VWC2L: variants seen among roughly 807,000 people sequenced by gnomAD.
VWC2L encodes the protein von Willebrand factor C domain-containing protein 2-like.
A neutral mutation model predicts 21.6 loss-of-function variants in VWC2L; 10 were observed. The observed-to-expected ratio is 0.46, with a 90% CI of 0.29 to 0.78. VWC2L has a LOEUF of 0.78. VWC2L is among the 30% of genes least tolerant of loss of function. VWC2L has a pLI of 0.10. For synonymous variants in VWC2L, 96 were observed against 94.3 expected (o/e 1.02, Z -0.10); for missense variants, 209 against 277.1 (o/e 0.75, Z 1.74).
intron 3 of VWC2L, among the ~76,000 whole-genome samples, chr2:214,517,434 T>G (rs1231076289): frequency 6.6e-6 from 1 of 152,102 alleles, no homozygotes; most frequent in Non-Finnish European, 1.5e-5. Flanking sequence ...CTCAATCAGT[T>G]GGAGGGCTTT....
intron 3 of VWC2L, among the ~76,000 whole-genome samples, chr2:214,573,793 T>C (rs1690187566): frequency 6.6e-6 from 1 of 152,204 alleles, no homozygotes; most frequent in African/African-American, 2.4e-5. Flanking sequence ...ATGGAATTAA[T>C]ATTGTAGCCC....
chr2:214,524,829 T>A (rs1689302633), intron 3 of VWC2L, among the ~76,000 whole-genome samples: 1 of 152,162 alleles, frequency 6.6e-6, no homozygotes, highest in Admixed American at 6.5e-5. Flanking sequence ...CCAAATATAT[T>A]GTAGACCGTT....
chr2:214,485,317 A>G (rs920701152), intron 3 of VWC2L, among the ~76,000 whole-genome samples: 3 of 151,968 alleles, frequency 2.0e-5, no homozygotes, highest in African/African-American at 7.3e-5. Context: ...TAAAAAAAGA[A>G]AAAAAAAGTG....
intron 2 of VWC2L, among the ~76,000 whole-genome samples, chr2:214,428,731 T>G (rs1702559103): frequency 6.9e-6 from 1 of 144,950 alleles, no homozygotes; most frequent in Non-Finnish European, 1.5e-5. Context: ...TCTTTCTTCA[T>G]AACCTGTCAA....
chr2:214,477,758 A>G (rs1688545128), intron 3 of VWC2L, among the ~76,000 whole-genome samples: 1 of 152,248 alleles, frequency 6.6e-6, no homozygotes, highest in African/African-American at 2.4e-5. Flanking sequence ...AATATATTAT[A>G]CAATTGAAGT....
At chr2:214,542,746 T>C (rs1689647408) in intron 3 of VWC2L, among the ~76,000 whole-genome samples, 1 of 152,130 alleles carries the variant, frequency 6.6e-6, no homozygotes, top group Admixed American at 6.6e-5. Flanking sequence ...CCTTTCCTAC[T>C]CCAGGGATAA....
At chr2:214,525,293 CA>C (rs1436375214) in intron 3 of VWC2L, 1 of 152,082 alleles carries the variant, frequency 6.6e-6, no homozygotes, top group African/African-American at 2.4e-5. Context: ...ACAGGAAGTA[CA>C]TGTGTGCAAA....
chr2:214,429,867 A>G (rs1314435377), intron 2 of VWC2L, among the ~76,000 whole-genome samples: 1 of 152,114 alleles, frequency 6.6e-6, no homozygotes, highest in African/African-American at 2.4e-5. Context: ...TCTGTTGTCC[A>G]GGCTGGAGTG....
intron 3 of VWC2L, among the ~76,000 whole-genome samples, chr2:214,528,693 T>C (rs1486002680): frequency 5.3e-5 from 8 of 152,118 alleles, no homozygotes; most frequent in African/African-American, 1.9e-4. Context: ...AAAACCCATG[T>C]TCGTGATGTC....
intron 3 of VWC2L, among the ~76,000 whole-genome samples, chr2:214,456,226 A>T (rs1703052830): frequency 6.6e-6 from 1 of 152,060 alleles, no homozygotes; most frequent in African/African-American, 2.4e-5. Flanking sequence ...CTTTGATAAT[A>T]GCATTTCTAA....
chr2:214,558,774 T>G (rs1164163375), intron 3 of VWC2L, among the ~76,000 whole-genome samples: 1 of 152,150 alleles, frequency 6.6e-6, no homozygotes, highest in Non-Finnish European at 1.5e-5. Context: ...GTGGTTGCAA[T>G]TGCACCTTAG....
chr2:214,544,882 T>C (rs1380846389), intron 3 of VWC2L, among the ~76,000 whole-genome samples: 1 of 152,146 alleles, frequency 6.6e-6, no homozygotes, highest in East Asian at 1.9e-4. Context: ...GTTAAGTAAG[T>C]TGGCAAAGTA....
In VWC2L at chr2:214,436,029, G is replaced by GGCAA. The variant is rs1340309449; in HGVS notation, c.391-598_391-595dup. Among the ~76,000 whole-genome samples the GGCAA allele has an allele frequency of 9.9e-5, 15 of 151,788 alleles. No homozygotes were observed. The South Asian group carries it at 1.0e-3, about 11-fold the overall frequency. ...ATTTGTTCATTCATAAAAGCAAGCAGGCAAGATGAAAGGTATTCACTACAT... is the reference window on the plus strand; with the variant it reads ...ATTTGTTCATTCATAAAAGCAAGCAGGCAAGCAAGATGAAAGGTATTCACTACAT... On this transcript the variant is annotated intron_variant, in intron 2 of 3. Coordinates refer to ENST00000312504, the MANE Select transcript of VWC2L (RefSeq NM_001080500.4).
intron 3 of VWC2L, among the ~76,000 whole-genome samples, chr2:214,447,438 C>T (rs1044596309): frequency 1.3e-5 from 2 of 152,164 alleles, no homozygotes; most frequent in Non-Finnish European, 2.9e-5. Context: ...TAAACCTACT[C>T]TCTGATGTAG....
At position 214,411,757 on chromosome 2, in the gene VWC2L, A is replaced by G. The variant is rs754899007; in HGVS notation, c.-110A>G. ...TAGTTCATTTTGGGCTGTGACCCCT[A>G]CCACCACCATTAACCTCCAGAGTGA... On this transcript the variant is annotated 5_prime_UTR_variant, in exon 1 of 4. Coordinates refer to ENST00000312504, the MANE Select transcript of VWC2L (RefSeq NM_001080500.4). The G allele has an allele frequency of 6.6e-6, 1 of 152,164 alleles. No individual in the cohort carries two copies. Among genetic ancestry groups the G allele is most frequent in the Non-Finnish European group, 1.5e-5 (1 of 68,028 alleles). 9.4% of individuals were successfully genotyped at this position (152,164 alleles called of 1,614,324 possible).
Position 214,434,228 on chromosome 2 carries a change from T to A in VWC2L, c.391-2401T>A, listed in dbSNP as rs117400937. Among the ~76,000 whole-genome samples the A allele has an allele frequency of 2.6e-4, 40 of 152,294 alleles. 2 individuals carry two copies. In the East Asian group the frequency reaches 7.5e-3, roughly 29 times the overall value. On this transcript the variant is annotated intron_variant, in intron 2 of 3. Coordinates refer to ENST00000312504, the MANE Select transcript of VWC2L (RefSeq NM_001080500.4). ...ATCTTCCTCAGAATATTTCTCAGTT[T>A]CCAATGCTTTATTGGTCTTTACTGG...
In VWC2L at chr2:214,414,497, C is replaced by G; in HGVS notation, c.304C>G (p.His102Asp). ...KIHPKCTKVE[H>D]NGCCPECKEV... The stretch of plus-strand genomic sequence containing the variant: ...TCACCCAAAGTGTACTAAAGTGGAA[C>G]ACAATGGATGCTGTCCTGAGTGCAA... The change falls in exon 2 of 4, where the codon CAC becomes GAC. Residue 102 changes from histidine to aspartate, a missense_variant. By Grantham distance (81) the His-to-Asp change is moderately conservative. Transcript: ENST00000312504. 6.2e-7 allele frequency: 1 copy of G among 1,613,448 alleles called. No individual in the cohort carries two copies. Among genetic ancestry groups the G allele is most frequent in the Non-Finnish European group, 8.5e-7 (1 of 1,179,658 alleles).
intron 2 of VWC2L, among the ~76,000 whole-genome samples, chr2:214,433,937 C>A (rs1053454176): frequency 1.3e-4 from 20 of 152,068 alleles, no homozygotes; most frequent in Admixed American, 2.6e-4. Context: ...GGAGGCTTGA[C>A]ATGAGAAAAA....
intron 3 of VWC2L, among the ~76,000 whole-genome samples, chr2:214,525,606 G>A (rs1689321239): frequency 1.3e-5 from 2 of 152,082 alleles, no homozygotes; most frequent in African/African-American, 4.8e-5. Context: ...TCTGACCGGT[G>A]TTCTAAGAAA....
Sources: gnomAD v4.1 joint callset for allele counts (sites outside exome capture counted in the v4.1 genomes callset) on GRCh38, gnomAD v4.1.1 for gene constraint, MANE v1.5 for transcripts, NCBI Gene and HGNC (gene_info 2026-07-23, HGNC 2026-07-21) for gene names.